CTNNA2: variants seen among roughly 807,000 people sequenced by gnomAD.
CTNNA2 encodes catenin alpha 2.
Under a neutral mutation model 101.0 loss-of-function variants are expected in CTNNA2, and 42 were observed. The observed-to-expected ratio is 0.42, with a 90% CI of 0.32 to 0.54. The LOEUF (loss-of-function observed/expected upper bound fraction) is 0.54. Ranked by LOEUF, CTNNA2 falls within the 20% of genes least tolerant of loss-of-function variation. The pLI is 0.14. For missense variants in CTNNA2, 871 were observed against 1,223.1 expected, an observed-to-expected ratio of 0.71 and a Z score of 4.29; for synonymous variants, 450 against 456.4, an observed-to-expected ratio of 0.99 and a Z score of 0.18.
chr2:80,292,316 A>C (rs1675333623), intron 7 of CTNNA2, among the ~76,000 whole-genome samples: 1 of 152,308 alleles, frequency 6.6e-6, no homozygotes, highest in African/African-American at 2.4e-5. Context: ...AGGATCAGAA[A>C]GGTTAATTGC....
intron 4 of CTNNA2, among the ~76,000 whole-genome samples, chr2:79,387,804 G>T (rs1423285259): frequency 6.6e-6 from 1 of 152,140 alleles, no homozygotes; most frequent in African/African-American, 2.4e-5. Context: ...GGAAGACTCT[G>T]GTCCTAGAAA....
chr2:79,914,727 T>C (rs963531010), intron 7 of CTNNA2, among the ~76,000 whole-genome samples: 25 of 152,328 alleles, frequency 1.6e-4, no homozygotes, highest in African/African-American at 5.8e-4. Context: ...ACATTTTTAA[T>C]TGTATTTTTA....
chr2:80,016,743 G>A (rs1694179365), intron 7 of CTNNA2, among the ~76,000 whole-genome samples: 1 of 152,058 alleles, frequency 6.6e-6, no homozygotes, highest in Admixed American at 6.6e-5. Flanking sequence ...TTATTGATTG[G>A]TGCTTAATGG....
chr2:80,489,783 A>G (rs1266256080), intron 9 of CTNNA2, among the ~76,000 whole-genome samples: 3 of 152,190 alleles, frequency 2.0e-5, no homozygotes, highest in African/African-American at 7.2e-5. Context: ...AATGAATTTT[A>G]TTTTAATGTT....
chr2:80,459,307 T>C (rs2149469367), intron 9 of CTNNA2, among the ~76,000 whole-genome samples: 1 of 152,194 alleles, frequency 6.6e-6, no homozygotes, highest in South Asian at 2.1e-4. Context: ...TTAATGTGCC[T>C]CCAGGCTAAA....
At chr2:80,383,022 T>C (rs1484901535) in intron 7 of CTNNA2, among the ~76,000 whole-genome samples, 1 of 152,170 alleles carries the variant, frequency 6.6e-6, no homozygotes, top group Admixed American at 6.5e-5. Flanking sequence ...TTTTTAGCAG[T>C]TTGCTCAGTT....
At chr2:79,446,426 A>G (rs891677396) in intron 4 of CTNNA2, among the ~76,000 whole-genome samples, 2 of 152,082 alleles carry the variant, frequency 1.3e-5, no homozygotes, top group Admixed American at 1.3e-4. Flanking sequence ...GAATTGCTGC[A>G]GAATAAATCA....
intron 7 of CTNNA2, among the ~76,000 whole-genome samples, chr2:79,912,709 G>A (rs940315568): frequency 6.6e-6 from 1 of 152,128 alleles, no homozygotes; most frequent in African/African-American, 2.4e-5. Flanking sequence ...TATTATTATT[G>A]TACATATGTG....
At chr2:79,735,694 T>A (rs1457882576) in intron 2 of CTNNA2, among the ~76,000 whole-genome samples, 3 of 152,182 alleles carry the variant, frequency 2.0e-5, no homozygotes, top group African/African-American at 7.2e-5. Flanking sequence ...GCTTTCTTTG[T>A]AGCAGTAATT....
chr2:79,408,408 C>T (rs797002361), intron 4 of CTNNA2, among the ~76,000 whole-genome samples: 7 of 150,610 alleles, frequency 4.6e-5, no homozygotes, highest in African/African-American at 1.7e-4. Flanking sequence ...CACCCATTAA[C>T]TCGTCATTTA....
intron 12 of CTNNA2, among the ~76,000 whole-genome samples, chr2:80,558,533 T>C (rs1693260858): frequency 6.6e-6 from 1 of 152,086 alleles, no homozygotes; most frequent in Non-Finnish European, 1.5e-5. Flanking sequence ...TGTCATTGTA[T>C]GTCTGTGCTA....
chr2:80,644,625 CT>C (rs2149865556), intron 18 of CTNNA2, among the ~76,000 whole-genome samples: 1 of 152,252 alleles, frequency 6.6e-6, no homozygotes, highest in East Asian at 1.9e-4. Context: ...GAAAGTGCAT[CT>C]ACAGAAAAGG....
intron 7 of CTNNA2, among the ~76,000 whole-genome samples, chr2:80,073,899 T>C (rs1355262715): frequency 6.6e-6 from 1 of 152,230 alleles, no homozygotes; most frequent in Non-Finnish European, 1.5e-5. Context: ...TGTTCCATCA[T>C]GAGCTTCTCT....
chr2:79,495,151 G>A (rs1209087107), intron 4 of CTNNA2, among the ~76,000 whole-genome samples: 2 of 151,986 alleles, frequency 1.3e-5, no homozygotes, highest in East Asian at 3.9e-4. Context: ...AACAACTTTT[G>A]CGCTGCAAAT....
chr2:80,034,354 C>CCT (rs1297779103), intron 7 of CTNNA2, among the ~76,000 whole-genome samples: 1 of 54,080 alleles, frequency 1.8e-5, no homozygotes, highest in African/African-American at 3.9e-5. Flanking sequence ...ATTTTTTTTT[C>CCT]TTTTTTTTTT....
rs1236047909 is a variant in CTNNA2 at position 80,458,500 on chromosome 2, G to A, written c.1290+38899G>A. 2.6e-5 allele frequency among the ~76,000 whole-genome samples: 4 copies of A among 152,236 alleles called. No homozygotes were observed. The East Asian group carries it at 5.8e-4, about 22-fold the overall frequency. ...AGACTATTGACATACTACAAAATAC[G>A]TATTTATATTTGTGTTTGGCTGGTT... is the stretch of plus-strand genomic sequence containing the variant. On this transcript the variant is annotated intron_variant, in intron 9 of 18. Transcript: ENST00000402739.
At chr2:80,183,032 T>C (rs769897154) in intron 7 of CTNNA2, among the ~76,000 whole-genome samples, 64 of 152,328 alleles carry the variant, frequency 4.2e-4, no homozygotes, top group Non-Finnish European at 7.2e-4. Context: ...ATTATCATAC[T>C]GCAAAATGCT....
At chr2:80,259,608 AG>A (rs1204899652) in intron 7 of CTNNA2, among the ~76,000 whole-genome samples, 1 of 152,182 alleles carries the variant, frequency 6.6e-6, no homozygotes, top group East Asian at 1.9e-4. Flanking sequence ...CACTCACCAG[AG>A]TCTCTGTGGA....
At chr2:80,416,808 G>A (rs1237891335) in intron 8 of CTNNA2, among the ~76,000 whole-genome samples, 1 of 151,754 alleles carries the variant, frequency 6.6e-6, no homozygotes, top group Non-Finnish European at 1.5e-5. Flanking sequence ...AATATTCTGA[G>A]TTCTTGCATT....
Sources: allele counts gnomAD v4.1 joint callset (sites outside exome capture counted in the v4.1 genomes callset), GRCh38; gene constraint gnomAD v4.1.1; transcripts MANE v1.5; gene names NCBI Gene and HGNC (gene_info 2026-07-23, HGNC 2026-07-21).